The following LDLRAD3 variants were observed in gnomAD, a reference collection of about 807,000 sequenced individuals.
LDLRAD3 encodes low density lipoprotein receptor class A domain containing 3.
A neutral mutation model predicts 29.4 loss-of-function variants in LDLRAD3; 20 were observed. That is an observed-to-expected ratio of 0.68 (90% CI 0.48 to 0.99). LDLRAD3 has a LOEUF of 0.99. Ranked by LOEUF, LDLRAD3 falls within the 50% of genes least tolerant of loss-of-function variation. The pLI, the probability that LDLRAD3 is intolerant of heterozygous loss-of-function variation, is 0.00. For synonymous variants in LDLRAD3, 157 were observed against 192.7 expected, an observed-to-expected ratio of 0.81 and a Z score of 1.53; for missense variants, 420 against 454.3, an observed-to-expected ratio of 0.92 and a Z score of 0.69.
intron 2 of LDLRAD3, 135 bp downstream of exon 2, chr11:36,036,384 C>A: frequency 2.1e-6 from 2 of 935,706 alleles, no homozygotes; most frequent in Non-Finnish European, 1.6e-6. Context: ...GCCAGCAGTC[C>A]TGCTTCTTTG....
intron 1 of LDLRAD3, among the ~76,000 whole-genome samples, chr11:35,977,178 G>T (rs1851486957): frequency 6.6e-6 from 1 of 152,112 alleles, no homozygotes; most frequent in Non-Finnish European, 1.5e-5. Flanking sequence ...TGGTATTCCT[G>T]TGCTAAGTAC....
intron 4 of LDLRAD3, among the ~76,000 whole-genome samples, chr11:36,153,524 G>T (rs1377890446): frequency 6.6e-6 from 1 of 152,126 alleles, no homozygotes; most frequent in African/African-American, 2.4e-5. Flanking sequence ...ATTGAGGCTT[G>T]TCTCTGGATT....
chr11:36,107,775 G>A (rs1272017785), intron 4 of LDLRAD3, among the ~76,000 whole-genome samples: 1 of 152,070 alleles, frequency 6.6e-6, no homozygotes, highest in Non-Finnish European at 1.5e-5. Context: ...ATTCTATGAT[G>A]TGCACCCCAT....
intron 4 of LDLRAD3, among the ~76,000 whole-genome samples, chr11:36,204,634 C>T (rs1470655024): frequency 1.3e-5 from 2 of 151,942 alleles, no homozygotes; most frequent in Non-Finnish European, 2.9e-5. Flanking sequence ...ATTACAGGCA[C>T]CCACCACCAC....
chr11:36,146,998 C>T lies in LDLRAD3; in HGVS notation c.454+48537C>T, dbSNP rs1471642122. 4.6e-5 allele frequency among the ~76,000 whole-genome samples: 7 copies of T among 150,938 alleles called. No individual in the cohort carries two copies. In the East Asian group the frequency reaches 1.4e-3, roughly 30 times the overall value. The stretch of plus-strand genomic sequence containing the variant: ...AGAGACAGGGTTTCACCGTGTTAGT[C>T]AGGCTGGTCTCCAACTCCTAACCTC... On this transcript the variant is annotated intron_variant, in intron 4 of 5. Transcript: ENST00000315571.
intron 2 of LDLRAD3, among the ~76,000 whole-genome samples, chr11:36,042,134 G>T (rs1852391135): frequency 6.6e-6 from 1 of 152,116 alleles, no homozygotes; most frequent in African/African-American, 2.4e-5. Flanking sequence ...AGCTGGGGTT[G>T]AGATTGTTCA....
chr11:36,000,412 G>A (rs182129555), intron 1 of LDLRAD3, among the ~76,000 whole-genome samples: 1 of 151,944 alleles, frequency 6.6e-6, no homozygotes, highest in South Asian at 2.1e-4. Context: ...TGGGATTGTG[G>A]TTAAAATGGG....
chr11:36,041,229 A>G (rs1322013585), intron 2 of LDLRAD3, among the ~76,000 whole-genome samples: 1 of 152,252 alleles, frequency 6.6e-6, no homozygotes, highest in Non-Finnish European at 1.5e-5. Flanking sequence ...TCTAGGCCAC[A>G]CTATCCCAGG....
chr11:36,162,802 AT>A (rs1854462208), intron 4 of LDLRAD3, among the ~76,000 whole-genome samples: 1 of 152,196 alleles, frequency 6.6e-6, no homozygotes, highest in South Asian at 2.1e-4. Context: ...TGGAGTCTCC[AT>A]TTTTAAAATG....
At chr11:35,994,336 CAAAAAAAA>C (rs36041385) in intron 1 of LDLRAD3, among the ~76,000 whole-genome samples, 2 of 48,994 alleles carry the variant, frequency 4.1e-5, no homozygotes, top group South Asian at 8.7e-4. Context: ...GACTTTGTCT[CAAAAAAAA>C]AAAAAAAAAA....
At chr11:36,107,517 A>G (rs1481007954) in intron 4 of LDLRAD3, among the ~76,000 whole-genome samples, 1 of 152,190 alleles carries the variant, frequency 6.6e-6, no homozygotes, top group Admixed American at 6.5e-5. Context: ...TTTAACAGGT[A>G]TAGTCATGTG....
chr11:36,025,583 G>T (rs1852154584), intron 1 of LDLRAD3, among the ~76,000 whole-genome samples: 2 of 151,806 alleles, frequency 1.3e-5, no homozygotes, highest in Non-Finnish European at 2.9e-5. Flanking sequence ...TAGAGACGGG[G>T]TTTCACCCTG....
At chr11:36,219,302 T>C (rs1220101807) in intron 4 of LDLRAD3, among the ~76,000 whole-genome samples, 1 of 152,196 alleles carries the variant, frequency 6.6e-6, no homozygotes, top group Admixed American at 6.5e-5. Context: ...TATTTCTATA[T>C]TATTTTTTTT....
chr11:35,994,573 G>A (rs1851730661), intron 1 of LDLRAD3, among the ~76,000 whole-genome samples: 1 of 152,066 alleles, frequency 6.6e-6, no homozygotes, highest in Non-Finnish European at 1.5e-5. Flanking sequence ...GCTGAAGGTT[G>A]GGGTGGCTGT....
At chr11:36,145,071 CT>C (rs1304481769) in intron 4 of LDLRAD3, among the ~76,000 whole-genome samples, 1 of 103,050 alleles carries the variant, frequency 9.7e-6, no homozygotes, top group Non-Finnish European at 2.0e-5. Flanking sequence ...AGAGGAGCCC[CT>C]CTGCCCGGCC....
intron 2 of LDLRAD3, among the ~76,000 whole-genome samples, chr11:36,076,760 C>A (rs1438329717): frequency 6.6e-6 from 1 of 152,166 alleles, no homozygotes; most frequent in Non-Finnish European, 1.5e-5. Context: ...TATTTGTTCA[C>A]CCCTAGTGCA....
rs528141338 is a variant in LDLRAD3 at position 36,173,521 on chromosome 11, C to T, written c.455-53564C>T. 1.0e-3 allele frequency among the ~76,000 whole-genome samples: 158 copies of T among 152,016 alleles called. 2 individuals are homozygous for T. The highest frequency in any genetic ancestry group is 1.9e-3 in the Non-Finnish European group (132 of 67,986). ...TCCCTACAAAGGACATGAACTCATC[C>T]TTTTTTATGGCTGCATAGTATTCCA... is the stretch of plus-strand genomic sequence containing the variant. On this transcript the variant is annotated intron_variant, in intron 4 of 5. Transcript: ENST00000315571.
At chr11:36,221,443 A>G (rs1399797089) in intron 4 of LDLRAD3, among the ~76,000 whole-genome samples, 1 of 152,038 alleles carries the variant, frequency 6.6e-6, no homozygotes, top group Non-Finnish European at 1.5e-5. Context: ...GGGGTCTCCA[A>G]GTGAGCATGA....
intron 2 of LDLRAD3, among the ~76,000 whole-genome samples, chr11:36,048,145 G>C (rs2133220883): frequency 6.6e-6 from 1 of 152,354 alleles, no homozygotes; most frequent in South Asian, 2.1e-4. Flanking sequence ...TCAAAGATGA[G>C]CTGGGTGATT....
Sources: allele counts gnomAD v4.1 joint callset (sites outside exome capture counted in the v4.1 genomes callset), GRCh38; gene constraint gnomAD v4.1.1; transcripts MANE v1.5; gene names NCBI Gene and HGNC (gene_info 2026-07-23, HGNC 2026-07-21).